Variants in HECW1 observed in about 807,000 individuals in gnomAD.
The protein encoded by HECW1 is E3 ubiquitin-protein ligase HECW1.
A neutral mutation model predicts 182.3 loss-of-function variants in HECW1; 61 were observed. The ratio of observed to expected loss-of-function variants is 0.33; its 90% CI spans 0.27 to 0.41. The LOEUF is 0.41. HECW1 is among the 10% of genes least tolerant of loss of function. The pLI is 1.00. For missense variants in HECW1, 1,739 were observed against 2,108.9 expected (o/e 0.82, Z 3.44); for synonymous variants, 859 against 832.6 (o/e 1.03, Z -0.55).
intron 2 of HECW1, among the ~76,000 whole-genome samples, chr7:43,215,736 A>G (rs1487258474): frequency 3.9e-5 from 6 of 152,206 alleles, no homozygotes; most frequent in Non-Finnish European, 8.8e-5. Context: ...GATTGTAAAG[A>G]TCTTGAAAGA....
chr7:43,192,116 C>T (rs1410842907), intron 2 of HECW1, among the ~76,000 whole-genome samples: 2 of 152,122 alleles, frequency 1.3e-5, no homozygotes, highest in African/African-American at 4.8e-5. Context: ...TCTGCCACCA[C>T]ACCCGGCTAA....
At chr7:43,435,831 C>T (rs1163066729) in intron 8 of HECW1, among the ~76,000 whole-genome samples, 1 of 152,158 alleles carries the variant, frequency 6.6e-6, no homozygotes, top group Non-Finnish European at 1.5e-5. Context: ...TTAGCATGCC[C>T]AACATATTTA....
At chr7:43,177,546 T>C (rs1010027936) in intron 2 of HECW1, among the ~76,000 whole-genome samples, 3 of 152,208 alleles carry the variant, frequency 2.0e-5, no homozygotes, top group African/African-American at 4.8e-5. Context: ...TCTCCATGTA[T>C]TGTGGTTTTA....
intron 29 of HECW1, among the ~76,000 whole-genome samples, chr7:43,556,620 T>C (rs2082032690): frequency 6.6e-6 from 1 of 151,586 alleles, no homozygotes; most frequent in Non-Finnish European, 1.5e-5. Context: ...CCCAGGAGGC[T>C]GAGGCTGCAG....
At chr7:43,488,452 G>GAAAGAAAGAAAGA (rs1563046155) in intron 17 of HECW1, among the ~76,000 whole-genome samples, 3 of 143,590 alleles carry the variant, frequency 2.1e-5, no homozygotes, top group African/African-American at 7.9e-5. Flanking sequence ...AAGAAAGAAA[G>GAAAGAAAGAAAGA]AAAGAAAGAA....
rs1329359267 is a variant in HECW1, at chr7:43,507,175, C to T, written c.3670C>T (p.Arg1224Ter). 1 of 1,613,862 alleles carries T rather than the reference C, an allele frequency of 6.2e-7. No homozygotes were observed. Among genetic ancestry groups the T allele is most frequent in the East Asian group, 2.2e-5 (1 of 44,888 alleles). Residue 1224 changes from arginine (R) to a stop codon, truncating the protein, a stop_gained, in exon 22 of 30, where the codon CGA becomes TGA. Transcript: ENST00000395891. LOFTEE classifies it high-confidence loss of function. ...RASARAPSPY[R>*]RDFEAKLRNF... is the part of the protein sequence containing the mutation. The stretch of plus-strand genomic sequence containing the variant: ...CAGTGCAAGAGCCCCTTCCCCCTAC[C>T]GAAGAGACTTTGAGGCCAAGCTCCG...
At chr7:43,266,821 C>T (rs750456802) in intron 3 of HECW1, among the ~76,000 whole-genome samples, 7 of 151,874 alleles carry the variant, frequency 4.6e-5, no homozygotes, top group East Asian at 1.9e-4. Context: ...AAAAGAGACA[C>T]GCAAAAGGAA....
chr7:43,304,789 C>G (rs546451037), intron 3 of HECW1, among the ~76,000 whole-genome samples: 40 of 152,304 alleles, frequency 2.6e-4, no homozygotes, highest in Middle Eastern at 6.8e-3. Context: ...CCATAGCACC[C>G]AGCCTCAACA....
chr7:43,186,373 A>C (rs1330545324), intron 2 of HECW1, among the ~76,000 whole-genome samples: 1 of 152,190 alleles, frequency 6.6e-6, no homozygotes, highest in Non-Finnish European at 1.5e-5. Flanking sequence ...TCCCATTAAG[A>C]TTATGATACC....
intron 3 of HECW1, among the ~76,000 whole-genome samples, chr7:43,305,885 C>G (rs2079262): frequency 0.2 from 30,580 of 151,938 alleles, 3,271 homozygotes; most frequent in South Asian, 0.37. Context: ...CTCAGCCTCC[C>G]AAGTAGCTGG....
intron 2 of HECW1, among the ~76,000 whole-genome samples, chr7:43,240,191 AGCCAG>A (rs1798748036): frequency 6.6e-6 from 1 of 152,096 alleles, no homozygotes; most frequent in African/African-American, 2.4e-5. Flanking sequence ...AAATACAAAA[AGCCAG>A]GCATGGTGGT....
At chr7:43,486,708 T>G (rs1174177027) in intron 17 of HECW1, among the ~76,000 whole-genome samples, 2 of 152,236 alleles carry the variant, frequency 1.3e-5, no homozygotes, top group African/African-American at 4.8e-5. Flanking sequence ...CACCATTGCC[T>G]ATGCATCCAT....
chr7:43,390,359 T>C (rs2074974493), intron 6 of HECW1, among the ~76,000 whole-genome samples: 1 of 151,912 alleles, frequency 6.6e-6, no homozygotes, highest in South Asian at 2.1e-4. Flanking sequence ...GGCAACATAG[T>C]GAGACCCCGT....
intron 5 of HECW1, among the ~76,000 whole-genome samples, chr7:43,332,820 T>C (rs1254032241): frequency 1.3e-5 from 2 of 152,244 alleles, no homozygotes; most frequent in African/African-American, 4.8e-5. Context: ...GGCATCATGC[T>C]GAGCACCTTA....
chr7:43,299,106 A>C (rs1806406522), intron 3 of HECW1, among the ~76,000 whole-genome samples: 1 of 152,224 alleles, frequency 6.6e-6, no homozygotes, highest in African/African-American at 2.4e-5. Flanking sequence ...TCGAGGCCAG[A>C]GATGTCTAAG....
At chr7:43,140,634 A>G (rs1788056402) in intron 2 of HECW1, among the ~76,000 whole-genome samples, 1 of 152,202 alleles carries the variant, frequency 6.6e-6, no homozygotes, top group African/African-American at 2.4e-5. Context: ...TCAATGATTC[A>G]ATATATCGTG....
At chr7:43,541,091 A>G (rs960490547) in intron 24 of HECW1, 72 bp from the exon 25 acceptor site, 5 of 1,225,218 alleles carry the variant, frequency 4.1e-6, no homozygotes, top group Non-Finnish European at 6.1e-6. Flanking sequence ...CACATCAAAT[A>G]AAAGTGCAAA....
intron 2 of HECW1, among the ~76,000 whole-genome samples, chr7:43,135,413 C>T (rs1022120661): frequency 5.3e-5 from 8 of 152,090 alleles, no homozygotes; most frequent in Non-Finnish European, 1.2e-4. Flanking sequence ...AGGAGGGCCA[C>T]ACACTAAATT....
chr7:43,300,964 G>A (rs1806688250), intron 3 of HECW1, among the ~76,000 whole-genome samples: 1 of 152,152 alleles, frequency 6.6e-6, no homozygotes, highest in Admixed American at 6.5e-5. Context: ...GGGACCACTT[G>A]ATTGGTAAAG....
Sources: allele counts gnomAD v4.1 joint callset (sites outside exome capture counted in the v4.1 genomes callset), GRCh38; gene constraint gnomAD v4.1.1; transcripts MANE v1.5; gene names NCBI Gene and HGNC (gene_info 2026-07-23, HGNC 2026-07-21).